The following NPAS2 variants were observed in gnomAD, a reference collection of about 807,000 sequenced individuals.
NPAS2 encodes neuronal PAS domain-containing protein 2.
NPAS2 carries 23 observed loss-of-function variants against 107.5 expected under a neutral mutation model. The observed-to-expected ratio is 0.21, with a 90% CI of 0.15 to 0.30. The LOEUF (loss-of-function observed/expected upper bound fraction) is 0.30, where lower values mean the gene tolerates loss of function less well. Ranked by LOEUF, NPAS2 falls within the 10% of genes least tolerant of loss-of-function variation. The probability of loss-of-function intolerance (pLI) is 1.00; values close to 1 mark genes in which losing one functional copy is unlikely to be tolerated. For missense variants in NPAS2, 756 were observed against 1,043.3 expected, an observed-to-expected ratio of 0.72 and a Z score of 3.79; for synonymous variants, 403 against 417.5, an observed-to-expected ratio of 0.97 and a Z score of 0.42.
chr2:100,976,753 T>C lies in NPAS2; in HGVS notation c.1393-957T>C, dbSNP rs1184127010. ...CACCTCCAGATGCGCTTGCAAGCTGTGCCTGCCATTCTTCCAGACTCTCCT... is the reference window on the plus strand; with the variant it reads ...CACCTCCAGATGCGCTTGCAAGCTGCGCCTGCCATTCTTCCAGACTCTCCT... On this transcript the variant is annotated intron_variant, in intron 14 of 20. Coordinates refer to ENST00000335681, the MANE Select transcript of NPAS2 (RefSeq NM_002518.4). The surrounding 1 kb of genome is among the most constrained non-coding windows in gnomAD (Gnocchi z 4.1). 3 of 152,340 alleles carry C rather than the reference T, an allele frequency of 2.0e-5. No homozygotes were observed. Among genetic ancestry groups the C allele is most frequent in the Middle Eastern group, 3.4e-3 (1 of 294 alleles). 9.4% of individuals were successfully genotyped at this position (152,340 alleles called of 1,614,324 possible).
chr2:100,916,264 G>A (rs1299208434), intron 2 of NPAS2, among the ~76,000 whole-genome samples: 2 of 152,156 alleles, frequency 1.3e-5, no homozygotes, highest in African/African-American at 4.8e-5. Flanking sequence ...TACATTAAAT[G>A]TAAATTGTCT....
chr2:100,910,516 ACAT>A (rs1682474420), intron 2 of NPAS2, among the ~76,000 whole-genome samples: 1 of 138,504 alleles, frequency 7.2e-6, no homozygotes, highest in Admixed American at 8.1e-5. Flanking sequence ...CAGCCAGATG[ACAT>A]CTTCTTTTTT....
chr2:100,964,832 C>CTTTT (rs34961878), intron 8 of NPAS2, 29 bp from the exon 9 acceptor site: 329 of 1,227,670 alleles, frequency 2.7e-4, no homozygotes, highest in Admixed American at 1.5e-3. Flanking sequence ...ACCCAAGCAA[C>CTTTT]TTTTTTTTTT....
intron 5 of NPAS2, among the ~76,000 whole-genome samples, chr2:100,941,623 T>C (rs1674579307): frequency 6.6e-6 from 1 of 151,664 alleles, no homozygotes; most frequent in Non-Finnish European, 1.5e-5. Flanking sequence ...CACATTTTGG[T>C]GTCTAGAATT....
intron 2 of NPAS2, among the ~76,000 whole-genome samples, chr2:100,915,787 A>C (rs964056506): frequency 6.6e-6 from 1 of 152,216 alleles, no homozygotes; most frequent in Non-Finnish European, 1.5e-5. Context: ...GAGAATTACT[A>C]AAGGAAGTTT....
At chr2:100,868,802 T>C (rs1679393606) in intron 1 of NPAS2, among the ~76,000 whole-genome samples, 2 of 152,232 alleles carry the variant, frequency 1.3e-5, no homozygotes, top group Admixed American at 6.5e-5. Flanking sequence ...TAAATTCTTA[T>C]TCCAGAAATT....
chr2:100,974,382 TGGGAAGGACCC>T (rs1558928533), intron 12 of NPAS2, among the ~76,000 whole-genome samples: 1 of 152,156 alleles, frequency 6.6e-6, no homozygotes, highest in African/African-American at 2.4e-5. Flanking sequence ...GGAGAAAGCC[TGGGAAGGACCC>T]AGGAAGGTCC....
chr2:100,870,481 T>G (rs1373880118), intron 1 of NPAS2, among the ~76,000 whole-genome samples: 3 of 152,088 alleles, frequency 2.0e-5, no homozygotes, highest in African/African-American at 7.2e-5. Flanking sequence ...CTGCAACCTC[T>G]GCTTCCCAGG....
chr2:100,885,748 C>T (rs1300233855), intron 1 of NPAS2, among the ~76,000 whole-genome samples: 5 of 152,298 alleles, frequency 3.3e-5, no homozygotes, highest in Non-Finnish European at 1.5e-5. Context: ...GATCTTAGCT[C>T]ACTGCAACCT....
At chr2:100,953,387 A>C (rs1452792506) in intron 7 of NPAS2, among the ~76,000 whole-genome samples, 38 of 150,164 alleles carry the variant, frequency 2.5e-4, no homozygotes, top group Middle Eastern at 3.4e-3. Flanking sequence ...AAAAAAAAAA[A>C]AAACAAAAAA....
chr2:100,848,883 C>T (rs1266406286), intron 1 of NPAS2, among the ~76,000 whole-genome samples: 3 of 152,256 alleles, frequency 2.0e-5, no homozygotes, highest in Non-Finnish European at 4.4e-5. Context: ...TGTCCCAAAT[C>T]GCCCTGACAT....
chr2:100,947,951 C>T lies in NPAS2; in HGVS notation c.364-284C>T, dbSNP rs979649822. On this transcript the variant is annotated intron_variant, in intron 5 of 20. Coordinates refer to ENST00000335681, the MANE Select transcript of NPAS2 (RefSeq NM_002518.4). Reference sequence around the variant, plus strand: ...AGGAGTGTCAGCAAACAGCACTTCTCAAGCAACAGGAGGACTCAGTCCTTC... The same window carrying T: ...AGGAGTGTCAGCAAACAGCACTTCTTAAGCAACAGGAGGACTCAGTCCTTC... Among the ~76,000 whole-genome samples, 6 of 152,354 alleles carry T rather than the reference C, an allele frequency of 3.9e-5. No homozygotes were observed. The South Asian group carries it at 1.0e-3, about 26-fold the overall frequency.
At chr2:100,908,623 C>T (rs752315346) in intron 2 of NPAS2, among the ~76,000 whole-genome samples, 2 of 152,114 alleles carry the variant, frequency 1.3e-5, no homozygotes, top group South Asian at 2.1e-4. Flanking sequence ...CTAACTTTGC[C>T]GTATTGCAAA....
Position 100,968,487 on chromosome 2 carries a change from G to A in NPAS2, c.1055+59G>A. ...TTGTCGCACCTGGGGGAGGGGTGCA[G>A]GATGGCGTGGCCCCTGATGGCCAAG... is the stretch of plus-strand genomic sequence containing the variant. On this transcript the variant is annotated intron_variant, in intron 11 of 20. Transcript: ENST00000335681. This position sits in a 1 kb window ranked among gnomAD's most constrained non-coding sequence, Gnocchi z 5.3. 6.4e-7 allele frequency: 1 copy of A among 1,562,690 alleles called. No individual in the cohort carries two copies. The highest frequency in any genetic ancestry group is 8.7e-7 in the Non-Finnish European group (1 of 1,144,390).
chr2:100,832,161 C>T (rs1163860593), intron 1 of NPAS2, among the ~76,000 whole-genome samples: 3 of 152,126 alleles, frequency 2.0e-5, no homozygotes, highest in Admixed American at 6.6e-5. Context: ...GTAGGCACAT[C>T]GGCATTCTAT....
chr2:100,851,437 C>T (rs1678168077), intron 1 of NPAS2, among the ~76,000 whole-genome samples: 2 of 152,220 alleles, frequency 1.3e-5, no homozygotes. Context: ...TTGACAAGTT[C>T]ACACTCTGAA....
chr2:100,928,958 C>T (rs1360045668), intron 3 of NPAS2, among the ~76,000 whole-genome samples: 2 of 152,198 alleles, frequency 1.3e-5, no homozygotes, highest in South Asian at 2.1e-4. Flanking sequence ...GGCTAGAGTG[C>T]AGTGGTGCAA....
At position 100,987,914 on chromosome 2, in the gene NPAS2, G is replaced by A. The variant is rs1677868821; in HGVS notation, c.1630-165G>A. On this transcript the variant is annotated intron_variant, in intron 16 of 20. Transcript: ENST00000335681. ...CTCTGTGGCCAGTGCCTGACACTGA[G>A]CTTGGGGCATCACAGGTGCTCCATG... 4 of 739,436 alleles carry A rather than the reference G, an allele frequency of 5.4e-6. No homozygotes were observed. In the Admixed American group the frequency reaches 8.9e-5, roughly 16 times the overall value. 45.8% of individuals were successfully genotyped at this position (739,436 alleles called of 1,614,324 possible).
intron 2 of NPAS2, among the ~76,000 whole-genome samples, chr2:100,908,863 A>C (rs995588334): frequency 6.6e-6 from 1 of 152,216 alleles, no homozygotes; most frequent in East Asian, 1.9e-4. Flanking sequence ...GTGTCAGGTC[A>C]GATTCGCTGA....
Sources: gnomAD v4.1 joint callset for allele counts (sites outside exome capture counted in the v4.1 genomes callset) on GRCh38, gnomAD v4.1.1 for gene constraint, Gnocchi (gnomAD v3.1) non-coding constraint, MANE v1.5 for transcripts, NCBI Gene and HGNC (gene_info 2026-07-23, HGNC 2026-07-21) for gene names.